The following PCDHGA4 variants were observed in gnomAD, a reference collection of about 807,000 sequenced individuals.
PCDHGA4 encodes protocadherin gamma-A4.
PCDHGA4 carries 38 observed loss-of-function variants against 54.6 expected under a neutral mutation model. The observed-to-expected ratio is 0.70, with a 90% CI of 0.54 to 0.91. The LOEUF (loss-of-function observed/expected upper bound fraction) is 0.91, where lower values mean the gene tolerates loss of function less well. Among genes scored for constraint, PCDHGA4 ranks in the 40% least tolerant of loss-of-function variants. The pLI is 0.00. For synonymous variants in PCDHGA4, 511 were observed against 512.9 expected, an observed-to-expected ratio of 1.00 and a Z score of 0.05; for missense variants, 1,298 against 1,220.9, an observed-to-expected ratio of 1.06 and a Z score of -0.94.
chr5:141,365,198 G>A, intron 1 of PCDHGA4: 1 of 1,613,856 alleles, frequency 6.2e-7, no homozygotes, highest in Non-Finnish European at 8.5e-7. Context: ...AAAAATTTCG[G>A]AGACTTTCCA....
intron 1 of PCDHGA4, chr5:141,365,075 G>A (rs754573655): frequency 6.2e-7 from 1 of 1,613,842 alleles, no homozygotes. Context: ...CGAGTACAGC[G>A]TGAGTGTTCC....
intron 3 of PCDHGA4, among the ~76,000 whole-genome samples, chr5:141,505,782 T>A (rs1163025757): frequency 6.6e-6 from 1 of 152,204 alleles, no homozygotes; most frequent in Non-Finnish European, 1.5e-5. Context: ...CTAGCTCTGC[T>A]ACTATCCTTG....
intron 1 of PCDHGA4, chr5:141,423,349 T>A (rs2096733716): frequency 6.2e-7 from 1 of 1,614,196 alleles, no homozygotes; most frequent in East Asian, 2.2e-5. Context: ...CTTCCTGGTC[T>A]TTGTCATCGT....
At chr5:141,418,145 T>G in intron 1 of PCDHGA4, 4 of 1,614,052 alleles carry the variant, frequency 2.5e-6, no homozygotes, top group Non-Finnish European at 3.4e-6. Flanking sequence ...TGAGCAAATA[T>G]GCAAAGAGAG....
rs1231863269 is a variant in PCDHGA4 at position 141,485,594 on chromosome 5, G to A, written c.2515-9213G>A. 1.9e-6 allele frequency: 3 copies of A among 1,612,578 alleles called. No individual in the cohort carries two copies. The highest frequency in any genetic ancestry group is 2.5e-6 in the Non-Finnish European group (3 of 1,178,798). On this transcript the variant is annotated intron_variant, in intron 1 of 3. Transcript: ENST00000571252. The surrounding 1 kb of genome is among the most constrained non-coding windows in gnomAD (Gnocchi z 5.7). ...TTTTCCGCGGCAGCAGCTGGACTTGGAAATTGGGGAGGCAGCTCCTCCAGG... is the reference window on the plus strand; with the variant it reads ...TTTTCCGCGGCAGCAGCTGGACTTGAAAATTGGGGAGGCAGCTCCTCCAGG...
rs183257097 is a variant in PCDHGA4 at position 141,389,274 on chromosome 5, C to G, written c.2514+31653C>G. 189 of 1,614,032 alleles carry G rather than the reference C, an allele frequency of 1.2e-4. 1 individual carries two copies. In the East Asian group the frequency reaches 4.2e-3, roughly 36 times the overall value. On this transcript the variant is annotated intron_variant, in intron 1 of 3. Coordinates refer to ENST00000571252, the MANE Select transcript of PCDHGA4 (RefSeq NM_018917.4). ...TATAGTCCACGTGGCCGAGAACAACCCGCCTGGAGCCTCTATTTCACAAGT... is the reference window on the plus strand; with the variant it reads ...TATAGTCCACGTGGCCGAGAACAACGCGCCTGGAGCCTCTATTTCACAAGT...
At chr5:141,371,581 A>G (rs764497164) in intron 1 of PCDHGA4, 3 of 1,613,936 alleles carry the variant, frequency 1.9e-6, no homozygotes, top group East Asian at 2.2e-5. Context: ...AAAATCGTTC[A>G]AGATACCAAA....
At chr5:141,358,867 G>A (rs1761039992) in intron 1 of PCDHGA4, among the ~76,000 whole-genome samples, 1 of 152,176 alleles carries the variant, frequency 6.6e-6, no homozygotes, top group Admixed American at 6.5e-5. Context: ...AGATATTTCT[G>A]TCATCATGTG....
In PCDHGA4 at chr5:141,428,081, C is replaced by A. The variant is rs768842388; in HGVS notation, c.2515-66726C>A. 14 of 1,609,100 alleles carry A rather than the reference C, an allele frequency of 8.7e-6. No individual in the cohort carries two copies. In the African/African-American group the frequency reaches 1.1e-4, roughly 12 times the overall value. ...CGGTGGACGCAGATTCGGGACACAA[C>A]GCTTGGCTGTCCTACCACGTGCTGC... is the stretch of plus-strand genomic sequence containing the variant. On this transcript the variant is annotated intron_variant, in intron 1 of 3. Transcript: ENST00000571252.
At chr5:141,375,066 G>C (rs1463444937) in intron 1 of PCDHGA4, 2 of 1,613,990 alleles carry the variant, frequency 1.2e-6, no homozygotes, top group East Asian at 2.2e-5. Flanking sequence ...CCAGGTCTTC[G>C]AGACAGAGCG....
At position 141,432,554 on chromosome 5, in the gene PCDHGA4, G is replaced by A. The variant is rs757821109; in HGVS notation, c.2515-62253G>A. The A allele has an allele frequency of 9.3e-6, 15 of 1,613,832 alleles. No homozygotes were observed. Among genetic ancestry groups the A allele is most frequent in the Non-Finnish European group, 1.3e-5 (15 of 1,180,006 alleles). On this transcript the variant is annotated intron_variant, in intron 1 of 3. Coordinates refer to ENST00000571252, the MANE Select transcript of PCDHGA4 (RefSeq NM_018917.4). The surrounding 1 kb of genome is among the most constrained non-coding windows in gnomAD (Gnocchi z 6.0). ...GGTGGTGGCGGTGGACAGAGACTCCGGCCAGAACGCCTGGCTGTCCTACCG... is the reference window on the plus strand; with the variant it reads ...GGTGGTGGCGGTGGACAGAGACTCCAGCCAGAACGCCTGGCTGTCCTACCG...
chr5:141,473,598 T>C (rs959841516), intron 1 of PCDHGA4, among the ~76,000 whole-genome samples: 8 of 152,066 alleles, frequency 5.3e-5, no homozygotes, highest in African/African-American at 1.9e-4. Flanking sequence ...CCTGTAGAAA[T>C]TAGCAAAGCA....
At position 141,473,164 on chromosome 5, in the gene PCDHGA4, G is replaced by A. The variant is rs190029663; in HGVS notation, c.2515-21643G>A. Among the ~76,000 whole-genome samples the A allele has an allele frequency of 1.6e-3, 241 of 152,250 alleles. 5 individuals carry two copies. The highest frequency in any genetic ancestry group is 2.1e-4 in the Non-Finnish European group (14 of 68,014). ...TCTTCAGATCACTAGGGCTAGGAAG[G>A]CCCACTGGTAACTTGAAGGAGTAAA... On this transcript the variant is annotated intron_variant, in intron 1 of 3. Transcript: ENST00000571252.
intron 1 of PCDHGA4, chr5:141,360,212 C>T: frequency 1.2e-6 from 2 of 1,612,898 alleles, no homozygotes; most frequent in Non-Finnish European, 1.7e-6. Context: ...TCTTTGTTCC[C>T]CGGGGCTCTC....
Position 141,486,683 on chromosome 5 carries a change from G to C in PCDHGA4, c.2515-8124G>C, listed in dbSNP as rs1207359772. 6.2e-7 allele frequency: 1 copy of C among 1,613,974 alleles called. No individual in the cohort carries two copies. ...GGAGCCCAGGAATCGAGATGTATCA[G>C]CTTCCTCTTTCATCTCTCTGAACCC... On this transcript the variant is annotated intron_variant, in intron 1 of 3. Coordinates refer to ENST00000571252, the MANE Select transcript of PCDHGA4 (RefSeq NM_018917.4). This position sits in a 1 kb window ranked among gnomAD's most constrained non-coding sequence, Gnocchi z 5.0.
At chr5:141,420,824 C>T (rs1282369085) in intron 1 of PCDHGA4, among the ~76,000 whole-genome samples, 1 of 152,216 alleles carries the variant, frequency 6.6e-6, no homozygotes, top group Admixed American at 6.5e-5. Context: ...TTAATAATTA[C>T]TCCTTTCGCA....
At position 141,432,957 on chromosome 5, in the gene PCDHGA4, C is replaced by T. The variant is rs2097553676; in HGVS notation, c.2515-61850C>T. 1 of 1,614,190 alleles carries T rather than the reference C, an allele frequency of 6.2e-7. No individual in the cohort carries two copies. The highest frequency in any genetic ancestry group is 8.5e-7 in the Non-Finnish European group (1 of 1,180,030). ...CTGCAGGCTTCAGGAGGCGGCTTGA[C>T]AGGAGCGCCGGCGTCGCACTTTGTG... On this transcript the variant is annotated intron_variant, in intron 1 of 3. Coordinates refer to ENST00000571252, the MANE Select transcript of PCDHGA4 (RefSeq NM_018917.4). This position sits in a 1 kb window ranked among gnomAD's most constrained non-coding sequence, Gnocchi z 6.0.
rs1358516648 is a variant in PCDHGA4, at chr5:141,489,199, A to C, written c.2515-5608A>C. The C allele has an allele frequency of 1.4e-6, 2 of 1,395,234 alleles. No individual in the cohort carries two copies. The highest frequency in any genetic ancestry group is 2.8e-5 in the South Asian group (2 of 71,520). The allele number at this position is 1,395,234 out of a possible 1,614,324, so 86.4% of individuals were successfully genotyped here. ...CAAGCCCTGGGTCTACCTTGGAGAC[A>C]GGACAGCACAGACTTACTCTCCACA... On this transcript the variant is annotated intron_variant, in intron 1 of 3. Transcript: ENST00000571252. The surrounding 1 kb of genome is among the most constrained non-coding windows in gnomAD (Gnocchi z 4.5).
At chr5:141,446,221 T>C (rs2098493855) in intron 1 of PCDHGA4, among the ~76,000 whole-genome samples, 1 of 152,164 alleles carries the variant, frequency 6.6e-6, no homozygotes, top group African/African-American at 2.4e-5. Flanking sequence ...AATATTGTTG[T>C]GTTGCCTGGC....
Sources: gnomAD v4.1 joint callset for allele counts (sites outside exome capture counted in the v4.1 genomes callset) on GRCh38, gnomAD v4.1.1 for gene constraint, Gnocchi (gnomAD v3.1) non-coding constraint, MANE v1.5 for transcripts, NCBI Gene and HGNC (gene_info 2026-07-23, HGNC 2026-07-21) for gene names.